Variants in FHIT observed in about 807,000 individuals in gnomAD.
FHIT encodes bis(5'-adenosyl)-triphosphatase.
FHIT carries 19 observed loss-of-function variants against 17.9 expected under a neutral mutation model. The ratio of observed to expected loss-of-function variants is 1.06; its 90% confidence interval spans 0.74 to 1.56. The LOEUF is 1.56. Ranked by LOEUF, FHIT falls within the 40% of genes most tolerant of loss-of-function variation. The pLI is 0.00. For synonymous variants in FHIT, 81 were observed against 69.7 expected (o/e 1.16, Z -0.81); for missense variants, 248 against 189.2 (o/e 1.31, Z -1.82).
chr3:61,026,325 T>G (rs2032729074), intron 3 of FHIT, among the ~76,000 whole-genome samples: 1 of 152,178 alleles, frequency 6.6e-6, no homozygotes, highest in Admixed American at 6.5e-5. Flanking sequence ...CAGCTCCACC[T>G]CTGACCAGTG....
At chr3:60,008,920 A>G (rs1700023862) in intron 7 of FHIT, among the ~76,000 whole-genome samples, 1 of 152,200 alleles carries the variant, frequency 6.6e-6, no homozygotes, top group South Asian at 2.1e-4. Flanking sequence ...GAGGCTGGCA[A>G]ATATCTATCA....
intron 5 of FHIT, among the ~76,000 whole-genome samples, chr3:60,287,143 G>T (rs1402019835): frequency 6.6e-6 from 1 of 152,048 alleles, no homozygotes; most frequent in Non-Finnish European, 1.5e-5. Context: ...CTACCTATCT[G>T]TTAAGTTTAT....
chr3:60,790,842 T>G (rs79093301), intron 4 of FHIT, among the ~76,000 whole-genome samples: 2 of 152,284 alleles, frequency 1.3e-5, no homozygotes, highest in Non-Finnish European at 2.9e-5. Flanking sequence ...GTTAATCAAT[T>G]ATAACAAATG....
intron 3 of FHIT, among the ~76,000 whole-genome samples, chr3:60,919,381 AG>A (rs1175538194): frequency 4.0e-5 from 6 of 150,674 alleles, no homozygotes; most frequent in African/African-American, 1.5e-4. Context: ...GAATTACAAA[AG>A]CACAATCACA....
intron 4 of FHIT, among the ~76,000 whole-genome samples, chr3:60,700,161 T>C (rs948959561): frequency 4.6e-5 from 7 of 150,554 alleles, no homozygotes; most frequent in African/African-American, 1.5e-4. Context: ...CAGGTATGTA[T>C]GTATGTGGTA....
At chr3:60,185,006 T>C (rs567469147) in intron 5 of FHIT, among the ~76,000 whole-genome samples, 1 of 152,274 alleles carries the variant, frequency 6.6e-6, no homozygotes, top group South Asian at 2.1e-4. Context: ...TCTTACTTCT[T>C]GGCACTATAA....
At chr3:61,058,791 C>T (rs1373840275) in intron 2 of FHIT, among the ~76,000 whole-genome samples, 3 of 152,182 alleles carry the variant, frequency 2.0e-5, no homozygotes, top group African/African-American at 4.8e-5. Flanking sequence ...ACAGAAAGAG[C>T]ATAACCCAAC....
At chr3:60,814,342 A>G (rs1359087046) in intron 4 of FHIT, among the ~76,000 whole-genome samples, 5 of 151,856 alleles carry the variant, frequency 3.3e-5, no homozygotes, top group Non-Finnish European at 5.9e-5. Context: ...TGGTTTTTCA[A>G]CCTTTTCCCC....
At chr3:60,803,011 G>GAAAT (rs36036534) in intron 4 of FHIT, among the ~76,000 whole-genome samples, 2,466 of 152,026 alleles carry the variant, frequency 0.016, 43 homozygotes, top group African/African-American at 0.047. Flanking sequence ...AAACCAAACC[G>GAAAT]AAATAAATAA....
intron 4 of FHIT, among the ~76,000 whole-genome samples, chr3:60,681,040 C>G (rs989195377): frequency 7.2e-5 from 11 of 152,238 alleles, no homozygotes; most frequent in Non-Finnish European, 1.2e-4. Context: ...TTTTTAAGTA[C>G]AGGCATACCT....
intron 1 of FHIT, among the ~76,000 whole-genome samples, chr3:61,215,038 C>T (rs1052720202): frequency 9.9e-5 from 15 of 151,466 alleles, no homozygotes; most frequent in African/African-American, 2.7e-4. Flanking sequence ...ATGACAAACC[C>T]ACAGCCAATA....
At chr3:60,904,932 T>A in intron 3 of FHIT, among the ~76,000 whole-genome samples, 1 of 92,068 alleles carries the variant, frequency 1.1e-5, no homozygotes, top group African/African-American at 3.6e-5. Context: ...GAACGAGACT[T>A]GGTCTAAAAA....
intron 3 of FHIT, among the ~76,000 whole-genome samples, chr3:60,979,731 G>A (rs937517152): frequency 6.6e-6 from 1 of 152,182 alleles, no homozygotes; most frequent in Non-Finnish European, 1.5e-5. Context: ...TGCTCATTCA[G>A]GGATTGCTGC....
intron 5 of FHIT, among the ~76,000 whole-genome samples, chr3:60,105,554 T>G (rs1051980561): frequency 6.6e-6 from 1 of 152,164 alleles, no homozygotes; most frequent in Non-Finnish European, 1.5e-5. Flanking sequence ...GTGAAACATA[T>G]AAGAATATTG....
At chr3:60,835,179 T>C (rs1010792403) in intron 3 of FHIT, among the ~76,000 whole-genome samples, 1 of 152,132 alleles carries the variant, frequency 6.6e-6, no homozygotes, top group African/African-American at 2.4e-5. Flanking sequence ...ACTTTATTAT[T>C]TCTTTTTCAA....
chr3:61,162,137 C>T (rs1333496336), intron 2 of FHIT, among the ~76,000 whole-genome samples: 1 of 152,156 alleles, frequency 6.6e-6, no homozygotes, highest in African/African-American at 2.4e-5. Context: ...AATGATTATC[C>T]TTCTTTTAGT....
intron 5 of FHIT, among the ~76,000 whole-genome samples, chr3:60,328,338 G>T (rs935231381): frequency 2.0e-5 from 3 of 152,172 alleles, no homozygotes; most frequent in Non-Finnish European, 4.4e-5. Flanking sequence ...ACCTGAGAAT[G>T]GGTACTTTAT....
intron 5 of FHIT, among the ~76,000 whole-genome samples, chr3:60,445,114 G>C (rs927535544): frequency 1.8e-4 from 28 of 152,046 alleles, no homozygotes; most frequent in African/African-American, 6.0e-4. Flanking sequence ...CTAAAATATG[G>C]TAATCAAATA....
intron 7 of FHIT, among the ~76,000 whole-genome samples, chr3:60,004,406 A>G (rs1219683137): frequency 1.3e-5 from 2 of 152,196 alleles, no homozygotes; most frequent in Non-Finnish European, 2.9e-5. Context: ...CTAATGAAAA[A>G]TTAAACACTA....
Sources: allele counts gnomAD v4.1 joint callset (sites outside exome capture counted in the v4.1 genomes callset), GRCh38; gene constraint gnomAD v4.1.1; transcripts MANE v1.5; gene names NCBI Gene and HGNC (gene_info 2026-07-23, HGNC 2026-07-21).